The following BOLL variants were observed in gnomAD, a reference collection of about 807,000 sequenced individuals.
The protein encoded by BOLL is boule RNA binding protein.
BOLL carries 23 observed loss-of-function variants against 44.4 expected under a neutral mutation model. That is an observed-to-expected ratio of 0.52 (90% CI 0.37 to 0.73). The LOEUF (loss-of-function observed/expected upper bound fraction) is 0.73. BOLL is among the 30% of genes least tolerant of loss of function. The pLI is 0.00. For missense variants in BOLL, 287 were observed against 338.3 expected (o/e 0.85, Z 1.19); for synonymous variants, 97 against 110.8 (o/e 0.88, Z 0.78).
chr2:197,760,469 C>T (rs1006270268), intron 7 of BOLL, among the ~76,000 whole-genome samples: 1 of 152,242 alleles, frequency 6.6e-6, no homozygotes, highest in African/African-American at 2.4e-5. Flanking sequence ...CACAGGCTGC[C>T]TCTGGTGGGC....
intron 9 of BOLL, among the ~76,000 whole-genome samples, chr2:197,748,117 G>T (rs944171028): frequency 1.3e-5 from 2 of 152,316 alleles, no homozygotes; most frequent in Admixed American, 6.5e-5. Context: ...GCAGGGTGGG[G>T]CGTCACCTCA....
At chr2:197,785,872 T>G, upstream of BOLL, 6 of 920,104 alleles carry the variant, frequency 6.5e-6, no homozygotes, top group South Asian at 1.4e-5. The surrounding 1 kb of genome is among the most constrained non-coding windows in gnomAD (Gnocchi z 6.7). Context: ...CCCAACCAGA[T>G]AGCGAGCGTT....
intron 9 of BOLL, among the ~76,000 whole-genome samples, chr2:197,746,441 T>C (rs1199421739): frequency 6.6e-6 from 1 of 152,198 alleles, no homozygotes; most frequent in Non-Finnish European, 1.5e-5. Flanking sequence ...GTAGTATCCA[T>C]ATACACAATG....
intron 6 of BOLL, among the ~76,000 whole-genome samples, chr2:197,770,960 A>G (rs1392075034): frequency 1.3e-5 from 2 of 152,188 alleles, no homozygotes; most frequent in Non-Finnish European, 2.9e-5. Context: ...AGGATCTAGA[A>G]CTAGAAATAC....
intron 7 of BOLL, among the ~76,000 whole-genome samples, chr2:197,759,557 C>G (rs1208296512): frequency 6.6e-6 from 1 of 152,144 alleles, no homozygotes; most frequent in Non-Finnish European, 1.5e-5. Context: ...GTCTCCAGTA[C>G]TGGGGTTCCA....
intron 4 of BOLL, among the ~76,000 whole-genome samples, chr2:197,776,363 A>G: frequency 6.6e-6 from 1 of 151,928 alleles, no homozygotes; most frequent in East Asian, 1.9e-4. Context: ...TTCAATGTTA[A>G]TGAACCAGTA....
At chr2:197,776,459 G>C (rs891810785) in intron 4 of BOLL, among the ~76,000 whole-genome samples, 1 of 151,832 alleles carries the variant, frequency 6.6e-6, no homozygotes, top group Admixed American at 6.6e-5. Flanking sequence ...TGTGACCAGA[G>C]GTTCTTGGGA....
At chr2:197,779,697 T>G (rs925734497) in intron 2 of BOLL, among the ~76,000 whole-genome samples, 2 of 152,012 alleles carry the variant, frequency 1.3e-5, no homozygotes, top group Non-Finnish European at 2.9e-5. Flanking sequence ...GGAATCATAA[T>G]TAGATTTAAA....
chr2:197,759,108 A>G, intron 7 of BOLL: 1 of 892,690 alleles, frequency 1.1e-6, no homozygotes, highest in Non-Finnish European at 1.7e-6. Context: ...GAAAAGACTA[A>G]GGCAAAGAAT....
At chr2:197,742,034 A>G (rs1687763693) in intron 10 of BOLL, among the ~76,000 whole-genome samples, 1 of 152,256 alleles carries the variant, frequency 6.6e-6, no homozygotes, top group African/African-American at 2.4e-5. Flanking sequence ...AAAAGAAGAC[A>G]TTTATGCAGC....
At chr2:197,736,550 G>C (rs1176766473) in intron 10 of BOLL, among the ~76,000 whole-genome samples, 1 of 152,066 alleles carries the variant, frequency 6.6e-6, no homozygotes, top group African/African-American at 2.4e-5. Flanking sequence ...TGAGTGAAGA[G>C]ATACATGAAC....
Position 197,756,592 on chromosome 2 carries a change from A to G in BOLL, c.601-36T>C. The G allele has an allele frequency of 1.9e-6, 3 of 1,548,922 alleles. No individual in the cohort carries two copies. In the South Asian group the frequency reaches 3.6e-5, roughly 19 times the overall value. On this transcript the variant is annotated intron_variant, in intron 8 of 10. Transcript: ENST00000392296. ...AAACCATATTTCTAATTCAAATATG[A>G]TTAGTTATTTCTGTTAAACCAAATG... is the stretch of plus-strand genomic sequence containing the variant.
chr2:197,782,763 C>CA (rs1689847598), intron 1 of BOLL, among the ~76,000 whole-genome samples: 1 of 152,166 alleles, frequency 6.6e-6, no homozygotes, highest in Admixed American at 6.5e-5. Flanking sequence ...CTAACATTCA[C>CA]ATTCACCATT....
chr2:197,732,823 A>C, intron 10 of BOLL, among the ~76,000 whole-genome samples: 6 of 135,090 alleles, frequency 4.4e-5, no homozygotes, highest in African/African-American at 1.1e-4. Flanking sequence ...AAATAATAAG[A>C]GCTATCTATG....
chr2:197,742,197 C>A (rs1194888982), intron 10 of BOLL, among the ~76,000 whole-genome samples: 1 of 152,296 alleles, frequency 6.6e-6, no homozygotes, highest in African/African-American at 2.4e-5. Flanking sequence ...GAAATAGGAA[C>A]ACTTTTACAA....
intron 10 of BOLL, among the ~76,000 whole-genome samples, chr2:197,736,283 AT>A (rs1230585526): frequency 6.6e-6 from 1 of 152,118 alleles, no homozygotes; most frequent in Non-Finnish European, 1.5e-5. Flanking sequence ...AAAATAACTA[AT>A]CAATATTTTA....
At chr2:197,742,014 G>T (rs1364996808) in intron 10 of BOLL, among the ~76,000 whole-genome samples, 2 of 152,150 alleles carry the variant, frequency 1.3e-5, no homozygotes, top group Non-Finnish European at 2.9e-5. Flanking sequence ...GATATTAACA[G>T]ACACTTCTCA....
rs751355068 is a variant in BOLL, at chr2:197,771,870, G to A, written c.465C>T (p.Val155=). ...AATTACTTACAGGCCAAGGCGGTGGGACCGAAGTTACCTCTGGAGTATGAA... is the reference window on the plus strand; with the variant it reads ...AATTACTTACAGGCCAAGGCGGTGGAACCGAAGTTACCTCTGGAGTATGAA... ...AYFHTPEVTS[V]PPPWPSRSVC... The change falls in exon 6 of 11, where the codon GTC becomes GTT. Residue 155 remains valine, a synonymous_variant. Coordinates refer to ENST00000392296, the MANE Select transcript of BOLL (RefSeq NM_033030.6). 7.6e-6 allele frequency: 12 copies of A among 1,588,772 alleles called. No homozygotes were observed. Among genetic ancestry groups the A allele is most frequent in the African/African-American group, 4.1e-5 (3 of 73,604 alleles).
chr2:197,731,963 G>T lies in BOLL; in HGVS notation c.829-3385C>A, dbSNP rs200211149. On this transcript the variant is annotated intron_variant, in intron 10 of 10. Transcript: ENST00000392296. ...AGCAGAAGGCAAGAAATAACTAAGAGCAGAACTGAAGGAAATAGAGACACA... is the reference window on the plus strand; with the variant it reads ...AGCAGAAGGCAAGAAATAACTAAGATCAGAACTGAAGGAAATAGAGACACA... 1.7e-3 allele frequency among the ~76,000 whole-genome samples: 251 copies of T among 149,482 alleles called. 9 individuals carry two copies. The East Asian group carries it at 0.041, about 24-fold the overall frequency.
Sources: allele counts gnomAD v4.1 joint callset (sites outside exome capture counted in the v4.1 genomes callset), GRCh38; gene constraint gnomAD v4.1.1; non-coding constraint Gnocchi (gnomAD v3.1); transcripts MANE v1.5; gene names NCBI Gene and HGNC (gene_info 2026-07-23, HGNC 2026-07-21).